MGAT4C: variants seen among roughly 807,000 people sequenced by gnomAD.
MGAT4C encodes the protein alpha-1,3-mannosyl-glycoprotein 4-beta-N-acetylglucosaminyltransferase C.
In MGAT4C, 19 loss-of-function variants were observed where a neutral mutation model predicts 40.1. The ratio of observed to expected loss-of-function variants is 0.47; its 90% CI spans 0.33 to 0.70. The LOEUF is 0.70. Ranked by LOEUF, MGAT4C falls within the 30% of genes least tolerant of loss-of-function variation. The pLI is 0.02. For missense variants in MGAT4C, 491 were observed against 563.2 expected (o/e 0.87, Z 1.30); for synonymous variants, 181 against 187.1 (o/e 0.97, Z 0.27).
chr12:86,617,527 A>T (rs1459339108), intron 2 of MGAT4C, among the ~76,000 whole-genome samples: 2 of 152,150 alleles, frequency 1.3e-5, no homozygotes, highest in African/African-American at 4.8e-5. Flanking sequence ...TTTCTACTAA[A>T]AATACAAAAA....
At chr12:86,609,910 C>T (rs1273075699) in intron 2 of MGAT4C, among the ~76,000 whole-genome samples, 1 of 152,100 alleles carries the variant, frequency 6.6e-6, no homozygotes, top group Non-Finnish European at 1.5e-5. Flanking sequence ...TTTGACACTG[C>T]TTTTGCAATC....
chr12:86,823,803 AT>A (rs1293884367), intron 1 of MGAT4C, among the ~76,000 whole-genome samples: 3 of 151,268 alleles, frequency 2.0e-5, no homozygotes, highest in Non-Finnish European at 4.4e-5. Context: ...AGTAAGTGAT[AT>A]GCAGAAAACA....
At chr12:86,338,008 C>G (rs560365761) in intron 3 of MGAT4C, among the ~76,000 whole-genome samples, 2 of 152,042 alleles carry the variant, frequency 1.3e-5, no homozygotes, top group South Asian at 4.2e-4. Context: ...ATGTTATAAC[C>G]GCCCAATGGG....
At chr12:86,059,062 C>T (rs943232384) in intron 1 of MGAT4C, among the ~76,000 whole-genome samples, 17 of 152,084 alleles carry the variant, frequency 1.1e-4, no homozygotes, top group African/African-American at 3.4e-4. Flanking sequence ...TTTTGTTTTT[C>T]GAAACAGAGT....
At chr12:86,420,070 A>G (rs1956790995) in intron 3 of MGAT4C, among the ~76,000 whole-genome samples, 1 of 148,980 alleles carries the variant, frequency 6.7e-6, no homozygotes, top group Non-Finnish European at 1.5e-5. Flanking sequence ...TTATTCATGT[A>G]GACTTGGAAA....
At chr12:86,013,563 T>C (rs1316222726) in intron 2 of MGAT4C, 2 of 177,104 alleles carry the variant, frequency 1.1e-5, no homozygotes, top group Admixed American at 1.3e-4. Context: ...TTATACATAA[T>C]GTGGCATATA....
intron 1 of MGAT4C, among the ~76,000 whole-genome samples, chr12:86,087,397 T>C (rs1000209135): frequency 5.3e-5 from 8 of 152,130 alleles, no homozygotes; most frequent in Non-Finnish European, 1.2e-4. Flanking sequence ...CTAATGCTTA[T>C]ACTATTTCTA....
chr12:86,625,616 T>C (rs975770856), intron 2 of MGAT4C, among the ~76,000 whole-genome samples: 39 of 152,176 alleles, frequency 2.6e-4, no homozygotes, highest in African/African-American at 9.4e-4. Context: ...CTCAGAGACC[T>C]CTGGGGCACT....
chr12:86,692,182 G>C (rs537487786), intron 2 of MGAT4C, among the ~76,000 whole-genome samples: 1 of 152,274 alleles, frequency 6.6e-6, no homozygotes, highest in East Asian at 1.9e-4. Flanking sequence ...TTCAAGAAAA[G>C]AGGAAAGAGA....
intron 4 of MGAT4C, among the ~76,000 whole-genome samples, chr12:86,330,966 A>G (rs1954652139): frequency 6.6e-6 from 1 of 152,166 alleles, no homozygotes; most frequent in African/African-American, 2.4e-5. Flanking sequence ...ATGTATATAT[A>G]TGTTAGCAGT....
chr12:86,011,483 A>G (rs1268425124), intron 2 of MGAT4C, among the ~76,000 whole-genome samples: 1 of 152,192 alleles, frequency 6.6e-6, no homozygotes, highest in Non-Finnish European at 1.5e-5. Context: ...TTAAGAAAGA[A>G]TATTTTCTGC....
Position 85,962,764 on chromosome 12 carries a change from A to T in MGAT4C, c.*16525T>A, listed in dbSNP as rs569894380. The stretch of plus-strand genomic sequence containing the variant: ...TATTAATCCCAAGATATTTTATTTC[A>T]TTATATAAATGAAATATTTTATCTG... On this transcript the variant is annotated 3_prime_UTR_variant, in exon 5 of 5. Transcript: ENST00000611864. 6.6e-6 allele frequency: 1 copy of T among 151,356 alleles called. No homozygotes were observed. The highest frequency in any genetic ancestry group is 2.4e-5 in the African/African-American group (1 of 41,380). 9.4% of individuals were successfully genotyped at this position (151,356 alleles called of 1,614,324 possible).
At chr12:86,545,248 A>C (rs1338966343) in intron 2 of MGAT4C, among the ~76,000 whole-genome samples, 1 of 152,044 alleles carries the variant, frequency 6.6e-6, no homozygotes, top group Non-Finnish European at 1.5e-5. Context: ...TATTGACATG[A>C]AGATTGCTTG....
rs1392315688 is a variant in MGAT4C, at chr12:85,961,078, G to A, written c.*18211C>T. ...CTCCTTGTAATATATGTGCCACCAG[G>A]GCAAGAATTACAAATTGGGAGCAGG... On this transcript the variant is annotated 3_prime_UTR_variant, in exon 5 of 5. Coordinates refer to ENST00000611864, the MANE Select transcript of MGAT4C (RefSeq NM_001351288.2). 1 of 151,828 alleles carries A rather than the reference G, an allele frequency of 6.6e-6. No individual in the cohort carries two copies. Among genetic ancestry groups the A allele is most frequent in the Non-Finnish European group, 1.5e-5 (1 of 67,822 alleles). The allele number at this position is 151,828 out of a possible 1,614,324, so 9.4% of individuals were successfully genotyped here. A position where few individuals can be genotyped will look rare whatever the true frequency, so the allele number is the denominator to read the frequency against.
At chr12:86,422,840 GT>G (rs1264603540) in intron 3 of MGAT4C, among the ~76,000 whole-genome samples, 4 of 152,212 alleles carry the variant, frequency 2.6e-5, no homozygotes, top group East Asian at 1.9e-4. Flanking sequence ...TGACAAACAA[GT>G]TTTTTTCTGC....
chr12:86,807,830 T>A (rs558340877), intron 1 of MGAT4C, among the ~76,000 whole-genome samples: 1 of 152,124 alleles, frequency 6.6e-6, no homozygotes, highest in Non-Finnish European at 1.5e-5. Context: ...CTGACTGGCA[T>A]GATATGGTAT....
At chr12:86,158,310 T>A (rs1372627591) in intron 1 of MGAT4C, among the ~76,000 whole-genome samples, 1 of 152,104 alleles carries the variant, frequency 6.6e-6, no homozygotes, top group African/African-American at 2.4e-5. Flanking sequence ...CAGAATAAAA[T>A]TCAAATTTTG....
chr12:86,689,882 G>A (rs1351587132), intron 2 of MGAT4C, among the ~76,000 whole-genome samples: 1 of 152,202 alleles, frequency 6.6e-6, no homozygotes, highest in Non-Finnish European at 1.5e-5. Flanking sequence ...CTGGCAGGCA[G>A]GAATGTTTAA....
intron 2 of MGAT4C, among the ~76,000 whole-genome samples, chr12:86,443,240 T>A (rs2136280360): frequency 6.6e-6 from 1 of 151,966 alleles, no homozygotes; most frequent in Non-Finnish European, 1.5e-5. Context: ...ACATGTAAAT[T>A]TCTGTTGACA....
Sources: gnomAD v4.1 joint callset for allele counts (sites outside exome capture counted in the v4.1 genomes callset) on GRCh38, gnomAD v4.1.1 for gene constraint, MANE v1.5 for transcripts, NCBI Gene and HGNC (gene_info 2026-07-23, HGNC 2026-07-21) for gene names.